ASTN1: variants seen among roughly 807,000 people sequenced by gnomAD.
The protein encoded by ASTN1 is astrotactin 1.
ASTN1 carries 41 observed loss-of-function variants against 140.7 expected under a neutral mutation model. The observed-to-expected ratio is 0.29, with a 90% confidence interval of 0.23 to 0.38. ASTN1 has a LOEUF of 0.38. Among genes scored for constraint, ASTN1 ranks in the 10% least tolerant of loss-of-function variants. ASTN1 has a pLI of 1.00. For missense variants in ASTN1, 1,479 were observed against 1,678.8 expected (o/e 0.88, Z 2.08); for synonymous variants, 640 against 652.2 (o/e 0.98, Z 0.29).
chr1:177,039,164 G>C (rs1384196588), intron 2 of ASTN1, among the ~76,000 whole-genome samples: 1 of 152,158 alleles, frequency 6.6e-6, no homozygotes, highest in Non-Finnish European at 1.5e-5. Flanking sequence ...ACATTTCAAA[G>C]CTTACTTTTA....
chr1:176,870,833 A>G (rs1168858147), intron 21 of ASTN1, among the ~76,000 whole-genome samples: 2 of 152,230 alleles, frequency 1.3e-5, no homozygotes, highest in African/African-American at 4.8e-5. Context: ...TGGTATCTCC[A>G]GTTGTTTATC....
At chr1:176,987,162 G>A (rs1673945441) in intron 8 of ASTN1, among the ~76,000 whole-genome samples, 2 of 152,146 alleles carry the variant, frequency 1.3e-5, no homozygotes, top group Non-Finnish European at 2.9e-5. Flanking sequence ...ATAGTGCTGA[G>A]GTTGAGAAAC....
At chr1:176,974,750 C>T (rs759961975) in intron 8 of ASTN1, among the ~76,000 whole-genome samples, 24 of 152,270 alleles carry the variant, frequency 1.6e-4, no homozygotes, top group Non-Finnish European at 2.9e-4. Context: ...AAATGTTGTA[C>T]CTTTTCTTCT....
chr1:177,149,257 A>AATATATATATAGT lies in ASTN1; in HGVS notation c.283+15136_283+15137insACTATATATATAT, dbSNP rs562683201. Among the ~76,000 whole-genome samples the AATATATATATAGT allele has an allele frequency of 7.1e-5, 7 of 98,818 alleles. 1 individual carries two copies. The highest frequency in any genetic ancestry group is 3.1e-4 in the African/African-American group (7 of 22,234). 64.8% of individuals were successfully genotyped at this position (98,818 alleles called of 152,430 possible). On this transcript the variant is annotated intron_variant, in intron 1 of 22. Transcript: ENST00000361833. ...AAATATATATATACTATATATAGTA[A>AATATATATATAGT]ATATATATATACTATATATAGTAAA... is the stretch of plus-strand genomic sequence containing the variant.
intron 2 of ASTN1, among the ~76,000 whole-genome samples, chr1:177,052,987 T>A (rs893007193): frequency 1.1e-4 from 17 of 152,220 alleles, no homozygotes; most frequent in African/African-American, 4.1e-4. Context: ...TGTTCACATC[T>A]GAAAGATGGA....
intron 14 of ASTN1, among the ~76,000 whole-genome samples, chr1:176,937,048 G>A (rs1476957476): frequency 6.6e-6 from 1 of 152,198 alleles, no homozygotes; most frequent in African/African-American, 2.4e-5. Flanking sequence ...CTCCAGATGA[G>A]TCTGAGGCCA....
intron 17 of ASTN1, among the ~76,000 whole-genome samples, chr1:176,891,675 C>A (rs913204055): frequency 6.6e-6 from 1 of 152,110 alleles, no homozygotes; most frequent in Non-Finnish European, 1.5e-5. Flanking sequence ...TGCCTGTAAT[C>A]CCAGCTACTC....
intron 18 of ASTN1, among the ~76,000 whole-genome samples, chr1:176,885,985 G>C (rs1669017758): frequency 6.6e-6 from 1 of 152,032 alleles, no homozygotes; most frequent in African/African-American, 2.4e-5. Flanking sequence ...ACCCAAAACT[G>C]TGCAGATATT....
chr1:176,942,201 T>C (rs1671746823), intron 14 of ASTN1, among the ~76,000 whole-genome samples: 1 of 152,206 alleles, frequency 6.6e-6, no homozygotes, highest in Non-Finnish European at 1.5e-5. Context: ...TTCTAAAAAC[T>C]TTACAAATAT....
chr1:177,109,074 A>G (rs1178550439), intron 1 of ASTN1, among the ~76,000 whole-genome samples: 2 of 152,202 alleles, frequency 1.3e-5, no homozygotes, highest in East Asian at 1.9e-4. Context: ...AAGAACACTT[A>G]GAATAGATAA....
chr1:177,156,690 T>C lies in ASTN1; in HGVS notation c.283+7704A>G, dbSNP rs560753277. Among the ~76,000 whole-genome samples, 11 of 152,314 alleles carry C rather than the reference T, an allele frequency of 7.2e-5. No individual in the cohort carries two copies. The South Asian group carries it at 2.3e-3, about 32-fold the overall frequency. On this transcript the variant is annotated intron_variant, in intron 1 of 22. Coordinates refer to ENST00000361833, the MANE Select transcript of ASTN1 (RefSeq NM_004319.3). The stretch of plus-strand genomic sequence containing the variant: ...AAGGTGGACCATAGCTCCCCATTCC[T>C]TTGGAATAGTCTGTGCACAGTGACT...
chr1:177,024,595 G>C lies in ASTN1; in HGVS notation c.1258C>G (p.Leu420Val). 1 of 1,613,966 alleles carries C rather than the reference G, an allele frequency of 6.2e-7. No homozygotes were observed. Among genetic ancestry groups the C allele is most frequent in the African/African-American group, 1.3e-5 (1 of 75,008 alleles). The change falls in exon 6 of 23, where the codon CTG (leucine) becomes GTG (valine). Residue 420 changes from leucine (L) to valine (V), a missense_variant. Physicochemically the swap from Leu to Val is conservative, Grantham distance 32. Coordinates refer to ENST00000361833, the MANE Select transcript of ASTN1 (RefSeq NM_004319.3). Reference protein sequence around the residue: ...VKITLHVPEHLIADGSRFILL... With the variant: ...VKITLHVPEHVIADGSRFILL... Reference sequence around the variant, plus strand: ...AGAACAGGCTCACCATCAGCAATCAGGTGCTCAGGGACATGCAGGGTGATC... The same window carrying C: ...AGAACAGGCTCACCATCAGCAATCACGTGCTCAGGGACATGCAGGGTGATC...
intron 2 of ASTN1, among the ~76,000 whole-genome samples, chr1:177,041,947 T>C (rs1235215053): frequency 1.3e-5 from 2 of 152,352 alleles, no homozygotes; most frequent in Non-Finnish European, 2.9e-5. Context: ...GAAGACCTTA[T>C]GCAGGGCATG....
At position 177,030,951 on chromosome 1, in the gene ASTN1, T is replaced by G; in HGVS notation, c.867A>C (p.Gly289=). Residue 289 remains glycine, a splice_region_variant and synonymous_variant, in exon 4 of 23, where the codon GGA becomes GGC. Coordinates refer to ENST00000361833, the MANE Select transcript of ASTN1 (RefSeq NM_004319.3). ...NEKSGMDLTP[G]SDNAKLSLMN... ...TCAGTGACAGCTTGGCATTGTCACT[T>G]CCTGTATAAGGAAAAGACGAGGCAA... The G allele has an allele frequency of 1.2e-6, 2 of 1,611,272 alleles. No homozygotes were observed. The highest frequency in any genetic ancestry group is 1.7e-6 in the Non-Finnish European group (2 of 1,178,476).
intron 16 of ASTN1, among the ~76,000 whole-genome samples, chr1:176,927,965 CAG>C (rs1457866344): frequency 1.3e-5 from 2 of 151,894 alleles, no homozygotes; most frequent in African/African-American, 4.8e-5. Flanking sequence ...TTGGAGCAAA[CAG>C]ATAATTTATT....
intron 1 of ASTN1, among the ~76,000 whole-genome samples, chr1:177,110,939 A>T (rs1172447985): frequency 1.3e-5 from 2 of 152,216 alleles, no homozygotes; most frequent in African/African-American, 4.8e-5. Flanking sequence ...ATTTAGAAAA[A>T]GATTGCTGTG....
chr1:177,099,033 C>T (rs1680179453), intron 1 of ASTN1, among the ~76,000 whole-genome samples: 1 of 152,178 alleles, frequency 6.6e-6, no homozygotes, highest in Non-Finnish European at 1.5e-5. Context: ...ACCAGCTGTC[C>T]TTTCATAAAG....
At chr1:177,065,124 C>A (rs891354668) in intron 1 of ASTN1, among the ~76,000 whole-genome samples, 2 of 152,166 alleles carry the variant, frequency 1.3e-5, no homozygotes, top group Non-Finnish European at 2.9e-5. Context: ...TCAGATAGAA[C>A]CTTTTTCACA....
chr1:177,090,016 A>C (rs1679668007), intron 1 of ASTN1, among the ~76,000 whole-genome samples: 1 of 152,010 alleles, frequency 6.6e-6, no homozygotes, highest in Admixed American at 6.6e-5. Flanking sequence ...AAACACACAC[A>C]CAACACACAC....
Sources: gnomAD v4.1 joint callset for allele counts (sites outside exome capture counted in the v4.1 genomes callset) on GRCh38, gnomAD v4.1.1 for gene constraint, MANE v1.5 for transcripts, NCBI Gene and HGNC (gene_info 2026-07-23, HGNC 2026-07-21) for gene names.